Variants in NKAIN3 observed in about 807,000 individuals in gnomAD.
NKAIN3 encodes the protein sodium/potassium-transporting ATPase subunit beta-1-interacting protein 3.
NKAIN3 carries 25 observed loss-of-function variants against 30.2 expected under a neutral mutation model. That is an observed-to-expected ratio of 0.83 (90% CI 0.60 to 1.16). The LOEUF (loss-of-function observed/expected upper bound fraction) is 1.16, where lower values mean the gene tolerates loss of function less well. Among genes scored for constraint, NKAIN3 ranks in the 50% most tolerant of loss-of-function variants. The pLI, the probability that NKAIN3 is intolerant of heterozygous loss-of-function variation, is 0.00. For synonymous variants in NKAIN3, 91 were observed against 89.6 expected (o/e 1.02, Z -0.09); for missense variants, 225 against 254.1 (o/e 0.89, Z 0.78).
chr8:62,442,638 T>C (rs901902792), intron 1 of NKAIN3, among the ~76,000 whole-genome samples: 1 of 151,878 alleles, frequency 6.6e-6, no homozygotes, highest in African/African-American at 2.4e-5. Flanking sequence ...TTTGGCTTTA[T>C]TATAGTATTT....
chr8:62,634,545 G>C (rs995319466), intron 3 of NKAIN3, among the ~76,000 whole-genome samples: 1 of 152,154 alleles, frequency 6.6e-6, no homozygotes, highest in African/African-American at 2.4e-5. Flanking sequence ...CCAAACCCCT[G>C]GCATTGTGAT....
At chr8:62,828,894 T>A (rs144357528) in intron 4 of NKAIN3, among the ~76,000 whole-genome samples, 22 of 152,050 alleles carry the variant, frequency 1.4e-4, no homozygotes, top group South Asian at 8.3e-4. Context: ...TGTGAGTGAG[T>A]GAGGCTGTTG....
chr8:62,802,719 T>C (rs562222722), intron 4 of NKAIN3, among the ~76,000 whole-genome samples: 26 of 152,130 alleles, frequency 1.7e-4, no homozygotes, highest in Non-Finnish European at 3.1e-4. Flanking sequence ...ATGAGCAAAA[T>C]AACCAGCTAA....
chr8:62,921,750 G>A (rs1030394034), intron 5 of NKAIN3, among the ~76,000 whole-genome samples: 1 of 152,098 alleles, frequency 6.6e-6, no homozygotes, highest in African/African-American at 2.4e-5. Flanking sequence ...ACTTTCATGA[G>A]ACTAGAATCT....
chr8:62,627,084 C>T (rs548216091), intron 3 of NKAIN3, among the ~76,000 whole-genome samples: 5 of 152,242 alleles, frequency 3.3e-5, no homozygotes, highest in East Asian at 1.9e-4. Context: ...CCCAACGCCT[C>T]GGGGCAACTG....
chr8:62,459,049 T>C (rs1805905650), intron 1 of NKAIN3, among the ~76,000 whole-genome samples: 1 of 113,868 alleles, frequency 8.8e-6, no homozygotes, highest in African/African-American at 3.3e-5. Flanking sequence ...TTTATGTGTG[T>C]GTTGTCAGAG....
intron 4 of NKAIN3, among the ~76,000 whole-genome samples, chr8:62,837,222 G>A (rs1401699302): frequency 6.6e-6 from 1 of 152,082 alleles, no homozygotes; most frequent in Admixed American, 6.6e-5. Flanking sequence ...GATGTTTGAA[G>A]TTGATTGATT....
At chr8:62,883,280 G>A (rs1821043360) in intron 4 of NKAIN3, among the ~76,000 whole-genome samples, 1 of 151,980 alleles carries the variant, frequency 6.6e-6, no homozygotes, top group South Asian at 2.1e-4. Flanking sequence ...TGCATATTTT[G>A]TTAGATTTAT....
intron 4 of NKAIN3, among the ~76,000 whole-genome samples, chr8:62,787,500 A>C (rs763625025): frequency 1.0e-3 from 156 of 152,166 alleles, no homozygotes; most frequent in Non-Finnish European, 1.5e-3. Flanking sequence ...AGGAAAACTC[A>C]GTTAATAAAT....
chr8:62,385,275 A>T (rs891942907), intron 1 of NKAIN3, among the ~76,000 whole-genome samples: 2 of 152,118 alleles, frequency 1.3e-5, no homozygotes, highest in Admixed American at 1.3e-4. Context: ...TATCCCATTC[A>T]ACTCTTATCA....
intron 1 of NKAIN3, among the ~76,000 whole-genome samples, chr8:62,311,582 C>T (rs2129588687): frequency 6.6e-6 from 1 of 150,654 alleles, no homozygotes. Flanking sequence ...CCCTGGACTC[C>T]ATGAGCCCCT....
intron 5 of NKAIN3, among the ~76,000 whole-genome samples, chr8:62,995,285 G>A (rs903826945): frequency 2.6e-4 from 40 of 152,192 alleles, no homozygotes; most frequent in Non-Finnish European, 3.7e-4. Context: ...GCTTAATGGT[G>A]AGAAGTGGAT....
At chr8:62,770,554 A>G (rs1296160002) in intron 4 of NKAIN3, among the ~76,000 whole-genome samples, 1 of 152,166 alleles carries the variant, frequency 6.6e-6, no homozygotes, top group Non-Finnish European at 1.5e-5. Flanking sequence ...CCAATCCCTC[A>G]TGTCTCTTCT....
chr8:62,775,598 C>T (rs1201249794), intron 4 of NKAIN3, among the ~76,000 whole-genome samples: 1 of 151,916 alleles, frequency 6.6e-6, no homozygotes, highest in African/African-American at 2.4e-5. Context: ...TTTTGCAGGT[C>T]ATGTTCCTAC....
intron 1 of NKAIN3, among the ~76,000 whole-genome samples, chr8:62,379,547 C>T (rs1268543536): frequency 1.3e-5 from 2 of 152,152 alleles, no homozygotes; most frequent in African/African-American, 4.8e-5. Context: ...ACATTTTCCA[C>T]CATGCTGTTC....
chr8:62,730,872 G>A (rs529065294), intron 3 of NKAIN3, among the ~76,000 whole-genome samples: 15 of 152,080 alleles, frequency 9.9e-5, no homozygotes, highest in South Asian at 8.3e-4. Flanking sequence ...GATTTTCTGC[G>A]TTTATTTTTA....
intron 1 of NKAIN3, among the ~76,000 whole-genome samples, chr8:62,290,733 T>A (rs34671051): frequency 1.8e-4 from 27 of 152,324 alleles, no homozygotes; most frequent in African/African-American, 6.5e-4. Context: ...GGCTTTGGTA[T>A]CAGGATGATA....
intron 4 of NKAIN3, among the ~76,000 whole-genome samples, chr8:62,893,682 A>T (rs1417641334): frequency 6.6e-6 from 1 of 152,136 alleles, no homozygotes; most frequent in Admixed American, 6.5e-5. Flanking sequence ...ATATGCACAT[A>T]TGCACATAAC....
chr8:62,254,155 TG>T (rs1409051588), intron 1 of NKAIN3, among the ~76,000 whole-genome samples: 2 of 11,770 alleles, frequency 1.7e-4, no homozygotes, highest in African/African-American at 7.3e-4. Flanking sequence ...TTGGGTATCG[TG>T]TGTGTGTGTG....
Sources: allele counts gnomAD v4.1 joint callset (sites outside exome capture counted in the v4.1 genomes callset), GRCh38; gene constraint gnomAD v4.1.1; transcripts MANE v1.5; gene names NCBI Gene and HGNC (gene_info 2026-07-23, HGNC 2026-07-21).